The following GNG2 variants were observed in gnomAD, a reference collection of about 807,000 sequenced individuals.
GNG2 encodes the protein guanine nucleotide-binding protein G(I)/G(S)/G(O) subunit gamma-2.
Under a neutral mutation model 5.5 loss-of-function variants are expected in GNG2, and 5 were observed. That is an observed-to-expected ratio of 0.91 (90% CI 0.48 to 1.92). The LOEUF is 1.92. Ranked by LOEUF, GNG2 falls within the 30% of genes most tolerant of loss-of-function variation. The probability of loss-of-function intolerance (pLI) is 0.01; values close to 1 mark genes in which losing one functional copy is unlikely to be tolerated. For synonymous variants in GNG2, 28 were observed against 32.0 expected (o/e 0.88, Z 0.42); for missense variants, 55 against 88.4 (o/e 0.62, Z 1.52).
chr14:51,846,664 G>A (rs1881636161), intron 2 of GNG2, among the ~76,000 whole-genome samples: 1 of 152,166 alleles, frequency 6.6e-6, no homozygotes, highest in South Asian at 2.1e-4. Flanking sequence ...GCTGAGTGCT[G>A]AAGGGCTCTA....
chr14:51,895,663 T>C (rs2140169012), intron 2 of GNG2, among the ~76,000 whole-genome samples: 1 of 152,352 alleles, frequency 6.6e-6, no homozygotes, highest in South Asian at 2.1e-4. Context: ...ATGTCATTCA[T>C]TTGGAAAAGC....
At chr14:51,863,329 A>G (rs1882652650) in intron 1 of GNG2, among the ~76,000 whole-genome samples, 1 of 152,236 alleles carries the variant, frequency 6.6e-6, no homozygotes, top group African/African-American at 2.4e-5. Context: ...CTCATTGTAA[A>G]GAAGGGCTAG....
chr14:51,869,771 C>T (rs1883177419), intron 1 of GNG2, among the ~76,000 whole-genome samples: 1 of 152,170 alleles, frequency 6.6e-6, no homozygotes, highest in South Asian at 2.1e-4. Flanking sequence ...CCTCGGCCTC[C>T]CAAAGTGCTG....
At chr14:51,889,226 C>G (rs1401171084) in intron 2 of GNG2, among the ~76,000 whole-genome samples, 2 of 151,534 alleles carry the variant, frequency 1.3e-5, no homozygotes, top group Non-Finnish European at 2.9e-5. Flanking sequence ...AATTCTCCTG[C>G]CTCAGCCTCC....
rs140107698 is a variant in GNG2 at position 51,833,802 on chromosome 14, G to A, written c.64+5995G>A. Among the ~76,000 whole-genome samples the A allele has an allele frequency of 3.2e-3, 495 of 152,352 alleles. 4 individuals are homozygous for A. Among genetic ancestry groups the A allele is most frequent in the South Asian group, 0.011 (55 of 4,834 alleles). ...ACCAGTTCATCACAGCAGTATTGCT[G>A]TGTGCCATCTGCTGCAATGATGAAT... On this transcript the variant is annotated intron_variant, in intron 2 of 3. Transcript: ENST00000553432.
intron 2 of GNG2, among the ~76,000 whole-genome samples, chr14:51,936,207 T>G (rs1013489698): frequency 6.6e-6 from 1 of 152,170 alleles, no homozygotes; most frequent in African/African-American, 2.4e-5. Context: ...ATAAAAGGGA[T>G]TTCTGTTTTG....
intron 2 of GNG2, among the ~76,000 whole-genome samples, chr14:51,949,136 A>AG (rs1888821244): frequency 6.6e-6 from 1 of 151,238 alleles, no homozygotes; most frequent in Non-Finnish European, 1.5e-5. Flanking sequence ...AAAAAAAAAA[A>AG]GAAAAGAAAT....
intron 2 of GNG2, among the ~76,000 whole-genome samples, chr14:51,900,862 T>G (rs1478572274): frequency 6.6e-6 from 1 of 152,146 alleles, no homozygotes; most frequent in Non-Finnish European, 1.5e-5. Flanking sequence ...TATCCATCCT[T>G]TATATGCTTT....
chr14:51,884,582 G>C (rs754316387), intron 2 of GNG2, among the ~76,000 whole-genome samples: 1 of 152,168 alleles, frequency 6.6e-6, no homozygotes, highest in Non-Finnish European at 1.5e-5. Context: ...GGAAGAGAGA[G>C]GCACAGTTAC....
chr14:51,890,758 G>A (rs17092983), intron 2 of GNG2, among the ~76,000 whole-genome samples: 3,639 of 152,306 alleles, frequency 0.024, 150 homozygotes, highest in African/African-American at 0.083. Context: ...TCAATAAGCG[G>A]ATGGGCTTTG....
intron 2 of GNG2, among the ~76,000 whole-genome samples, chr14:51,910,085 G>A (rs1404298955): frequency 1.3e-5 from 2 of 152,214 alleles, no homozygotes; most frequent in Admixed American, 6.5e-5. Context: ...AACCAAGACA[G>A]GCACCAACAT....
At chr14:51,936,575 G>A (rs1888021721) in intron 2 of GNG2, among the ~76,000 whole-genome samples, 1 of 141,002 alleles carries the variant, frequency 7.1e-6, no homozygotes. Context: ...TTTAGAGATA[G>A]TGCCTCACTC....
intron 1 of GNG2, among the ~76,000 whole-genome samples, chr14:51,868,180 G>A (rs757064050): frequency 2.6e-5 from 4 of 152,192 alleles, no homozygotes; most frequent in East Asian, 1.9e-4. Flanking sequence ...CCATGTGCTC[G>A]TCAAGATGCC....
intron 2 of GNG2, among the ~76,000 whole-genome samples, chr14:51,902,695 C>G (rs1885646007): frequency 6.6e-6 from 1 of 152,044 alleles, no homozygotes; most frequent in Non-Finnish European, 1.5e-5. Flanking sequence ...AGTTCAAGAC[C>G]AGCCTGGACA....
chr14:51,916,598 T>C (rs1043742541), intron 2 of GNG2: 2 of 412,874 alleles, frequency 4.8e-6, no homozygotes, highest in Admixed American at 2.9e-5. Context: ...ACAGTGGCCA[T>C]TGAGGGGGAG....
At chr14:51,912,642 A>G (rs1886362773) in intron 2 of GNG2, among the ~76,000 whole-genome samples, 1 of 152,162 alleles carries the variant, frequency 6.6e-6, no homozygotes, top group African/African-American at 2.4e-5. Flanking sequence ...ACAATTGCAT[A>G]ATTGACCAAG....
In GNG2 at chr14:51,906,488, AT is replaced by A. The variant is rs541790063; in HGVS notation, c.-30+28837del. On this transcript the variant is annotated intron_variant, in intron 2 of 3. Coordinates refer to ENST00000556766, the MANE Select transcript of GNG2 (RefSeq NM_053064.5). ...CATTATATCTTAGTGAAGAATAAGA[AT>A]TTTTTAACCTTGCATTGGCATCTCT... Among the ~76,000 whole-genome samples, 26 of 152,220 alleles carry A rather than the reference AT, an allele frequency of 1.7e-4. No individual in the cohort carries two copies. The South Asian group carries it at 5.2e-3, about 30-fold the overall frequency.
intron 2 of GNG2, among the ~76,000 whole-genome samples, chr14:51,838,794 C>T (rs1041702794): frequency 5.3e-5 from 8 of 152,142 alleles, no homozygotes; most frequent in African/African-American, 1.9e-4. Flanking sequence ...GTCCCAGGTA[C>T]TCAAGAGGCT....
chr14:51,851,846 C>T (rs1376799704), intron 2 of GNG2, among the ~76,000 whole-genome samples: 1 of 152,118 alleles, frequency 6.6e-6, no homozygotes, highest in East Asian at 1.9e-4. Flanking sequence ...TTATTGCTGC[C>T]ACGTCCTTCA....
Sources: gnomAD v4.1 joint callset for allele counts (sites outside exome capture counted in the v4.1 genomes callset) on GRCh38, gnomAD v4.1.1 for gene constraint, MANE v1.5 for transcripts, NCBI Gene and HGNC (gene_info 2026-07-23, HGNC 2026-07-21) for gene names.